The following DPYD variants were observed in gnomAD, a reference collection of about 807,000 sequenced individuals.
DPYD encodes the protein dihydropyrimidine dehydrogenase, also known as dihydropyrimidine dehydrogenase [NADP(+)].
In DPYD, 109 loss-of-function variants were observed where a neutral mutation model predicts 116.2. The observed-to-expected ratio is 0.94, with a 90% CI of 0.80 to 1.10. The LOEUF is 1.10. Ranked by LOEUF, DPYD falls within the 50% of genes least tolerant of loss-of-function variation. The pLI is 0.00. For missense variants in DPYD, 1,302 were observed against 1,254.5 expected (o/e 1.04, Z -0.57); for synonymous variants, 440 against 432.0 (o/e 1.02, Z -0.23).
At chr1:97,109,259 T>C (rs568150035) in intron 20 of DPYD, among the ~76,000 whole-genome samples, 2 of 152,246 alleles carry the variant, frequency 1.3e-5, no homozygotes, top group East Asian at 3.9e-4. Context: ...TAATAAATAA[T>C]GTAAAGATGT....
chr1:97,540,806 C>G (rs1332777626), intron 12 of DPYD, among the ~76,000 whole-genome samples: 1 of 152,116 alleles, frequency 6.6e-6, no homozygotes. Context: ...CTGTAGTTAC[C>G]TATGGGCTGT....
At chr1:97,689,300 G>A (rs980461658) in intron 7 of DPYD, among the ~76,000 whole-genome samples, 7 of 151,922 alleles carry the variant, frequency 4.6e-5, no homozygotes, top group Non-Finnish European at 8.8e-5. Context: ...AAACTGAACT[G>A]GGTTCTGGAT....
intron 20 of DPYD, among the ~76,000 whole-genome samples, chr1:97,156,610 G>A (rs1557898999): frequency 6.6e-6 from 1 of 152,156 alleles, no homozygotes; most frequent in South Asian, 2.1e-4. Context: ...TAAAAAGTCA[G>A]TAAACAACAG....
At chr1:97,127,992 G>A (rs1323141495) in intron 20 of DPYD, among the ~76,000 whole-genome samples, 1 of 152,132 alleles carries the variant, frequency 6.6e-6, no homozygotes, top group Non-Finnish European at 1.5e-5. Context: ...AATTTGTTGA[G>A]TGCTTAATAA....
chr1:97,869,964 C>T (rs976077589), intron 2 of DPYD, among the ~76,000 whole-genome samples: 6 of 151,752 alleles, frequency 4.0e-5, no homozygotes, highest in Admixed American at 3.3e-4. Context: ...AATTCACATG[C>T]CCCAGCCACT....
chr1:97,297,455 A>C (rs1162090075), intron 18 of DPYD, among the ~76,000 whole-genome samples: 12 of 152,202 alleles, frequency 7.9e-5, no homozygotes, highest in Non-Finnish European at 2.9e-5. Context: ...CTGTCAGAGA[A>C]GGTTTCAAGC....
intron 14 of DPYD, among the ~76,000 whole-genome samples, chr1:97,429,782 A>C (rs1307836435): frequency 6.6e-6 from 1 of 152,118 alleles, no homozygotes; most frequent in Non-Finnish European, 1.5e-5. Context: ...CAATATTGGC[A>C]ACACATAATT....
intron 5 of DPYD, chr1:97,720,894 A>G: frequency 6.2e-7 from 1 of 1,609,820 alleles, no homozygotes; most frequent in Non-Finnish European, 8.5e-7. Flanking sequence ...GTCTTTACAA[A>G]TGATTCATTA....
In DPYD at chr1:97,899,329, C is replaced by T. The variant is rs1673242028; in HGVS notation, c.40-15955G>A. ...TTATTGGCAACTCTTCACATGTTGT[C>T]ACACATCATTTGCTGGAAGAATTAA... On this transcript the variant is annotated intron_variant, in intron 1 of 22. Transcript: ENST00000370192. Among the ~76,000 whole-genome samples, 3 of 151,822 alleles carry T rather than the reference C, an allele frequency of 2.0e-5. No homozygotes were observed. In the East Asian group the frequency reaches 5.8e-4, roughly 30 times the overall value.
intron 16 of DPYD, among the ~76,000 whole-genome samples, chr1:97,357,407 A>G (rs1020965159): frequency 6.6e-6 from 1 of 151,358 alleles, no homozygotes; most frequent in Non-Finnish European, 1.5e-5. Flanking sequence ...TTTTCTACAT[A>G]TAAGATCATG....
intron 2 of DPYD, among the ~76,000 whole-genome samples, chr1:97,836,406 T>A (rs1267757954): frequency 6.6e-6 from 1 of 152,134 alleles, no homozygotes; most frequent in Non-Finnish European, 1.5e-5. Flanking sequence ...CTTAATCTAG[T>A]TAAAATATAG....
rs1237809327 is a variant in DPYD at position 97,545,724 on chromosome 1, G to A, written c.1524+3836C>T. On this transcript the variant is annotated intron_variant, in intron 12 of 22. Coordinates refer to ENST00000370192, the MANE Select transcript of DPYD (RefSeq NM_000110.4). Reference sequence around the variant, plus strand: ...ACTGCCAACTAATAGTAATGGCCCCGAACCGTGAAGAAAGGGAATTTCGTG... The same window carrying A: ...ACTGCCAACTAATAGTAATGGCCCCAAACCGTGAAGAAAGGGAATTTCGTG... 2.7e-5 allele frequency: 34 copies of A among 1,267,264 alleles called. No individual in the cohort carries two copies. The South Asian group carries it at 3.3e-4, about 12-fold the overall frequency. 78.5% of individuals were successfully genotyped at this position (1,267,264 alleles called of 1,614,324 possible).
chr1:97,287,931 C>T (rs184057268), intron 18 of DPYD, among the ~76,000 whole-genome samples: 107 of 151,900 alleles, frequency 7.0e-4, no homozygotes, highest in African/African-American at 2.5e-3. Flanking sequence ...GTGCTGTATT[C>T]AGGAAACCCA....
intron 8 of DPYD, among the ~76,000 whole-genome samples, chr1:97,625,400 T>C (rs946670399): frequency 2.0e-5 from 3 of 151,890 alleles, no homozygotes; most frequent in South Asian, 2.1e-4. Context: ...TCAGAGGCAA[T>C]AGAATAACTG....
intron 16 of DPYD, among the ~76,000 whole-genome samples, chr1:97,316,395 T>C (rs890528768): frequency 6.6e-6 from 1 of 150,556 alleles, no homozygotes; most frequent in African/African-American, 2.4e-5. Context: ...ATACCTGTAA[T>C]CCCAGCTACT....
chr1:97,760,899 T>C (rs1469382815), intron 3 of DPYD, among the ~76,000 whole-genome samples: 1 of 152,074 alleles, frequency 6.6e-6, no homozygotes, highest in African/African-American at 2.4e-5. Flanking sequence ...GCCAGGTGGA[T>C]AGGACTGATC....
chr1:97,593,075 G>T, intron 10 of DPYD, 143 bp downstream of exon 10: 1 of 952,602 alleles, frequency 1.0e-6, no homozygotes, highest in South Asian at 1.6e-5. Flanking sequence ...GTCTGAATTA[G>T]AAAAGAAACA....
At chr1:97,886,481 C>G (rs1672492737) in intron 1 of DPYD, among the ~76,000 whole-genome samples, 2 of 152,070 alleles carry the variant, frequency 1.3e-5, no homozygotes, top group Admixed American at 1.3e-4. Flanking sequence ...TGCCTCACCT[C>G]ACTTACTGGG....
intron 14 of DPYD, among the ~76,000 whole-genome samples, chr1:97,402,125 A>T (rs1411351798): frequency 6.6e-6 from 1 of 152,054 alleles, no homozygotes; most frequent in Non-Finnish European, 1.5e-5. Context: ...GCATGCCTTT[A>T]AACTTTAGAA....
Sources: allele counts gnomAD v4.1 joint callset (sites outside exome capture counted in the v4.1 genomes callset), GRCh38; gene constraint gnomAD v4.1.1; transcripts MANE v1.5; gene names NCBI Gene and HGNC (gene_info 2026-07-23, HGNC 2026-07-21).